HIVEP3: variants seen among roughly 807,000 people sequenced by gnomAD.
HIVEP3 encodes the protein transcription factor HIVEP3.
In HIVEP3, 49 loss-of-function variants were observed where a neutral mutation model predicts 152.8. The ratio of observed to expected loss-of-function variants is 0.32; its 90% CI spans 0.26 to 0.41. The LOEUF is 0.41. Among genes scored for constraint, HIVEP3 ranks in the 10% least tolerant of loss-of-function variants. The probability of loss-of-function intolerance (pLI) is 1.00; values close to 1 mark genes in which losing one functional copy is unlikely to be tolerated. For synonymous variants in HIVEP3, 1,269 were observed against 1,289.0 expected (o/e 0.98, Z 0.33); for missense variants, 2,790 against 3,103.3 (o/e 0.90, Z 2.40).
chr1:41,978,586 G>A (rs534767597), intron 1 of HIVEP3, among the ~76,000 whole-genome samples: 146 of 152,262 alleles, frequency 9.6e-4, no homozygotes, highest in African/African-American at 3.2e-3. Context: ...ATGGATTTCC[G>A]TTGTTTAAGC....
chr1:41,699,053 C>A (rs932936060), intron 2 of HIVEP3, among the ~76,000 whole-genome samples: 1 of 152,242 alleles, frequency 6.6e-6, no homozygotes, highest in Non-Finnish European at 1.5e-5. Context: ...GATCACACCA[C>A]CTTCTGAACC....
chr1:41,609,271 G>C (rs1260712210), intron 3 of HIVEP3, among the ~76,000 whole-genome samples: 2 of 152,212 alleles, frequency 1.3e-5, no homozygotes, highest in Non-Finnish European at 2.9e-5. Flanking sequence ...CTGCCCTTAG[G>C]GGGAACACTT....
intron 2 of HIVEP3, among the ~76,000 whole-genome samples, chr1:41,667,457 C>T (rs1397422923): frequency 2.0e-5 from 3 of 152,264 alleles, no homozygotes; most frequent in South Asian, 4.1e-4. Flanking sequence ...CAGCAGGCCC[C>T]AGGTGGGGAA....
At chr1:41,563,462 C>A (rs35086023) in intron 5 of HIVEP3, among the ~76,000 whole-genome samples, 6,420 of 152,192 alleles carry the variant, frequency 0.042, 166 homozygotes, top group Middle Eastern at 0.1. Flanking sequence ...CTTTTTCCTG[C>A]GGCTTCCAGA....
intron 1 of HIVEP3, among the ~76,000 whole-genome samples, chr1:41,798,065 C>T (rs1237098317): frequency 6.6e-6 from 1 of 152,114 alleles, no homozygotes; most frequent in Non-Finnish European, 1.5e-5. Context: ...TGCATGTTCT[C>T]ACTCATAGGT....
intron 1 of HIVEP3, among the ~76,000 whole-genome samples, chr1:41,808,875 T>C (rs1379720333): frequency 6.6e-6 from 1 of 152,268 alleles, no homozygotes; most frequent in Non-Finnish European, 1.5e-5. Flanking sequence ...GCACCTGCTA[T>C]GTGGCAGGCA....
rs571888267 is a variant in HIVEP3, at chr1:41,949,673, G to C, written n.120-31149C>G. 2.0e-5 allele frequency among the ~76,000 whole-genome samples: 3 copies of C among 152,128 alleles called. 1 individual carries two copies. The highest frequency in any genetic ancestry group is 4.1e-4 in the South Asian group (2 of 4,828). On this transcript the variant is annotated intron_variant and non_coding_transcript_variant, in intron 1 of 3. Coordinates refer to the HIVEP3 transcript ENST00000489103. Reference sequence around the variant, plus strand: ...GATTCTCCCCTTCTTAGGACCTCTAGCAGCTATAATATTGTTACTCCTCTT... The same window carrying C: ...GATTCTCCCCTTCTTAGGACCTCTACCAGCTATAATATTGTTACTCCTCTT...
chr1:41,721,286 C>T (rs1558210376), intron 1 of HIVEP3, among the ~76,000 whole-genome samples: 1 of 151,918 alleles, frequency 6.6e-6, no homozygotes, highest in Non-Finnish European at 1.5e-5. Flanking sequence ...CGGCTCACTG[C>T]AACCTCCACA....
Position 42,033,538 on chromosome 1 carries a change from C to T in HIVEP3, n.119+2269G>A, listed in dbSNP as rs538888703. Among the ~76,000 whole-genome samples, 7 of 117,092 alleles carry T rather than the reference C, an allele frequency of 6.0e-5. No individual in the cohort carries two copies. The East Asian group carries it at 2.8e-3, about 47-fold the overall frequency. 76.8% of individuals were successfully genotyped at this position (117,092 alleles called of 152,430 possible). On this transcript the variant is annotated intron_variant and non_coding_transcript_variant, in intron 1 of 3. Transcript: ENST00000489103. ...AGGAAGAAGGATATTTAATTCTTAT[C>T]TGCATTGACTTATCTCTCCAGTTCC... is the stretch of plus-strand genomic sequence containing the variant.
chr1:41,960,983 A>C (rs1463004407), intron 1 of HIVEP3, among the ~76,000 whole-genome samples: 1 of 152,196 alleles, frequency 6.6e-6, no homozygotes, highest in Non-Finnish European at 1.5e-5. Context: ...TCCCCATGAA[A>C]GTGAGCAGGT....
intron 1 of HIVEP3, among the ~76,000 whole-genome samples, 191 bp from the exon 2 acceptor site, chr1:41,701,186 AC>A (rs1646357483): frequency 6.6e-6 from 1 of 152,064 alleles, no homozygotes; most frequent in South Asian, 2.1e-4. Context: ...CAGCCTCAAA[AC>A]CCCAGTACAG....
At chr1:41,846,987 C>T (rs536718838) in intron 1 of HIVEP3, among the ~76,000 whole-genome samples, 10 of 152,310 alleles carry the variant, frequency 6.6e-5, no homozygotes, top group Non-Finnish European at 8.8e-5. Context: ...GGCAAGGCAA[C>T]GGAAGCCAGA....
intron 1 of HIVEP3, among the ~76,000 whole-genome samples, chr1:41,816,887 C>T (rs986878974): frequency 7.2e-5 from 11 of 152,296 alleles, no homozygotes; most frequent in African/African-American, 2.6e-4. Flanking sequence ...AACTCGTCCC[C>T]ACCCTTCCAG....
chr1:41,777,617 C>T (rs570449602), intron 1 of HIVEP3, among the ~76,000 whole-genome samples: 3 of 152,342 alleles, frequency 2.0e-5, no homozygotes, highest in African/African-American at 7.2e-5. Flanking sequence ...CACATGCATT[C>T]GCTTTCCGTG....
At chr1:41,888,297 C>T (rs1187626892) in intron 1 of HIVEP3, among the ~76,000 whole-genome samples, 1 of 150,824 alleles carries the variant, frequency 6.6e-6, no homozygotes, top group East Asian at 1.9e-4. Context: ...CGTAATCTGC[C>T]CACCTTGGCC....
intron 1 of HIVEP3, among the ~76,000 whole-genome samples, chr1:42,016,750 T>C (rs572000957): frequency 6.6e-6 from 1 of 152,170 alleles, no homozygotes; most frequent in South Asian, 2.1e-4. Flanking sequence ...CAGATCAACC[T>C]CATTCTTTCT....
intron 2 of HIVEP3, among the ~76,000 whole-genome samples, chr1:41,655,497 T>C (rs1262202136): frequency 6.7e-6 from 1 of 148,214 alleles, no homozygotes; most frequent in African/African-American, 2.5e-5. Flanking sequence ...GTGACAGAAT[T>C]GCTTGAACCC....
intron 1 of HIVEP3, among the ~76,000 whole-genome samples, chr1:42,007,384 T>C (rs367690681): frequency 6.6e-6 from 1 of 152,242 alleles, no homozygotes; most frequent in Non-Finnish European, 1.5e-5. Context: ...TTTGGTAGCA[T>C]GTGGCTTGTG....
intron 2 of HIVEP3, among the ~76,000 whole-genome samples, chr1:41,652,269 A>G (rs958053326): frequency 6.6e-6 from 1 of 152,226 alleles, no homozygotes; most frequent in African/African-American, 2.4e-5. Context: ...CAGAGAAAGA[A>G]AATTCCCCCT....
Sources: gnomAD v4.1 joint callset for allele counts (sites outside exome capture counted in the v4.1 genomes callset) on GRCh38, gnomAD v4.1.1 for gene constraint, MANE v1.5 for transcripts, NCBI Gene and HGNC (gene_info 2026-07-23, HGNC 2026-07-21) for gene names.